Variants in IGFALS observed in about 807,000 individuals in gnomAD.
The protein encoded by IGFALS is insulin like growth factor binding protein acid labile subunit.
In IGFALS, 2 loss-of-function variants were observed where a neutral mutation model predicts 2.6. The ratio of observed to expected loss-of-function variants is 0.77; its 90% CI spans 0.32 to 2.44. The LOEUF is 2.44. Among genes scored for constraint, IGFALS ranks in the 30% most tolerant of loss-of-function variants. The pLI is 0.11. For missense variants in IGFALS, 996 were observed against 848.7 expected (o/e 1.17, Z -2.16); for synonymous variants, 519 against 431.9 (o/e 1.20, Z -2.50).
At chr16:1,794,007 G>C (rs952762634), upstream of IGFALS, among the ~76,000 whole-genome samples, 12 of 152,262 alleles carry the variant, frequency 7.9e-5, no homozygotes, top group East Asian at 2.3e-3. Context: ...GGAGGGGCTG[G>C]GGCTTGAGGC....
At chr16:1,793,160 G>GCC (rs376151018) in intron 1 of IGFALS, among the ~76,000 whole-genome samples, 2 of 152,096 alleles carry the variant, frequency 1.3e-5, no homozygotes, top group Admixed American at 6.5e-5. Flanking sequence ...GCGAGGTGGG[G>GCC]CCCCCCCGAC....
upstream of IGFALS, among the ~76,000 whole-genome samples, chr16:1,794,642 C>G (rs924203551): frequency 6.6e-6 from 1 of 152,228 alleles, no homozygotes; most frequent in Non-Finnish European, 1.5e-5. Context: ...CCCCCAGGGC[C>G]TGAGCAGGTG....
Position 1,790,534 on chromosome 16 carries a change from AC to A in IGFALS, c.*65del, listed in dbSNP as rs993588402. On this transcript the variant is annotated 3_prime_UTR_variant, in exon 2 of 2. Transcript: ENST00000215539. ...GGGCAGGCCCCTGAGGACACTGAGGACCTGTCCCCAGCACAAGGTGAGCCAG... is the reference window on the plus strand; with the variant it reads ...GGGCAGGCCCCTGAGGACACTGAGGACTGTCCCCAGCACAAGGTGAGCCAG... The A allele has an allele frequency of 7.4e-7, 1 of 1,357,956 alleles. No individual in the cohort carries two copies. Among genetic ancestry groups the A allele is most frequent in the African/African-American group, 1.4e-5 (1 of 69,220 alleles). 84.1% of individuals were successfully genotyped at this position (1,357,956 alleles called of 1,614,324 possible).
In IGFALS at chr16:1,790,695, C is replaced by T. The variant is rs776272184; in HGVS notation, c.1723G>A (p.Ala575Thr). 67 of 1,607,810 alleles carry T rather than the reference C, an allele frequency of 4.2e-5. No individual in the cohort carries two copies. The East Asian group carries it at 9.4e-4, about 23-fold the overall frequency. Reference protein sequence around the residue: ...ICEGDDCQPPAYTYNNITCAS... With the variant: ...ICEGDDCQPPTYTYNNITCAS... ...CAGGTGATGTTGTTGTAGGTGTACGCGGGCGGCTGGCAATCGTCCCCCTCA... is the reference window on the plus strand; with the variant it reads ...CAGGTGATGTTGTTGTAGGTGTACGTGGGCGGCTGGCAATCGTCCCCCTCA... Residue 575 changes from alanine to threonine, a missense_variant, in exon 2 of 2, where the codon GCG becomes ACG. Transcript: ENST00000215539.
chr16:1,793,737 C>G, upstream of IGFALS: 1 of 1,409,582 alleles, frequency 7.1e-7, no homozygotes, highest in Non-Finnish European at 9.7e-7. Flanking sequence ...GATTTCCCCA[C>G]TGCGGGGCAG....
At chr16:1,793,372 G>A (rs983593294) in intron 1 of IGFALS, among the ~76,000 whole-genome samples, 3 of 152,092 alleles carry the variant, frequency 2.0e-5, no homozygotes, top group Admixed American at 2.0e-4. Context: ...GGTCCGGCCT[G>A]CACCTGGCCC....
At position 1,792,029 on chromosome 16, in the gene IGFALS, T is replaced by C. The variant is rs946021451; in HGVS notation, c.389A>G (p.Glu130Gly). ...TGCCAGGCTGCGCAGCTGGTTCCGCTCCAGGTGCAGGTGGCACAGGTTCTC... is the reference window on the plus strand; with the variant it reads ...TGCCAGGCTGCGCAGCTGGTTCCGCCCCAGGTGCAGGTGGCACAGGTTCTC... ...GLENLCHLHLERNQLRSLALG... is the reference protein window; with the variant it reads ...GLENLCHLHLGRNQLRSLALG... The change falls in exon 2 of 2, where the codon GAG (glutamate) becomes GGG (glycine). Residue 130 changes from glutamate (E) to glycine (G), a missense_variant. Transcript: ENST00000215539. The C allele has an allele frequency of 1.7e-5, 27 of 1,610,578 alleles. No individual in the cohort carries two copies. Among genetic ancestry groups the C allele is most frequent in the Non-Finnish European group, 2.2e-5 (26 of 1,179,532 alleles).
chr16:1,791,563 C>G lies in IGFALS; in HGVS notation c.855G>C (p.Thr285=). The change falls in exon 2 of 2, where the codon ACG becomes ACC. Residue 285 remains threonine (T), a synonymous_variant. Transcript: ENST00000215539. ...HNRVAGLLED[T]FPGLLGLRVL... Reference sequence around the variant, plus strand: ...CACGCAGGCCCAGCAGACCGGGGAACGTGTCCTCCAGGAGGCCAGCCACGC... The same window carrying G: ...CACGCAGGCCCAGCAGACCGGGGAAGGTGTCCTCCAGGAGGCCAGCCACGC... 1 of 1,568,280 alleles carries G rather than the reference C, an allele frequency of 6.4e-7. No individual in the cohort carries two copies. The highest frequency in any genetic ancestry group is 1.2e-5 in the South Asian group (1 of 86,190).
chr16:1,791,969 G>T lies in IGFALS; in HGVS notation c.449C>A (p.Ser150Ter). Residue 150 changes from serine to a stop codon, truncating the protein, a stop_gained, in exon 2 of 2, where the codon TCG becomes TAG. Coordinates refer to ENST00000215539, the MANE Select transcript of IGFALS (RefSeq NM_004970.3). LOFTEE classifies it low-confidence loss of function (END_TRUNC). ...GTFAHTPALA[S>*]LGLSNNRLSR... The stretch of plus-strand genomic sequence containing the variant: ...CAGACGGTTGTTGCTGAGGCCGAGC[G>T]AGGCCAGCGCGGGCGTGTGTGCAAA... The T allele has an allele frequency of 1.2e-6, 2 of 1,602,110 alleles. No homozygotes were observed. The highest frequency in any genetic ancestry group is 1.1e-5 in the South Asian group (1 of 89,702).
Position 1,791,519 on chromosome 16 carries a change from T to C in IGFALS, c.899A>G (p.Asn300Ser), listed in dbSNP as rs1430250611. ...LGLRVLRLSH[N>S]AIASLRPRTF... The stretch of plus-strand genomic sequence containing the variant: ...GCGGGGCCGCAGGCTGGCGATGGCG[T>C]TGTGGGACAGCCGCAGCACACGCAG... The change falls in exon 2 of 2, where the codon AAC becomes AGC. Residue 300 changes from asparagine (N) to serine (S), a missense_variant. Transcript: ENST00000215539. 6.2e-6 allele frequency: 10 copies of C among 1,601,110 alleles called. No homozygotes were observed. The highest frequency in any genetic ancestry group is 1.7e-5 in the Admixed American group (1 of 58,282).
At chr16:1,793,709 G>A (rs981686436), upstream of IGFALS, 35 of 1,526,442 alleles carry the variant, frequency 2.3e-5, no homozygotes, top group Admixed American at 5.7e-5. Context: ...CTGCTGTGCC[G>A]GCCACCCCTG....
In IGFALS at chr16:1,791,401, C is replaced by G. The variant is rs1002532166; in HGVS notation, c.1017G>C (p.Gln339His). The change falls in exon 2 of 2, where the codon CAG becomes CAC. Residue 339 changes from glutamine (Q) to histidine (H), a missense_variant. Physicochemically the swap from Gln to His is conservative, Grantham distance 24 (BLOSUM62 0). Coordinates refer to ENST00000215539, the MANE Select transcript of IGFALS (RefSeq NM_004970.3). ...TGTGGTCTAGCGTGAGCACCTCAAG[C>G]TGCCCCAGGCCCTCAAAGCTGCGCT... ...LAERSFEGLG[Q>H]LEVLTLDHNQ... The G allele has an allele frequency of 1.2e-6, 2 of 1,610,984 alleles. No individual in the cohort carries two copies. The highest frequency in any genetic ancestry group is 2.7e-5 in the African/African-American group (2 of 74,936).
In IGFALS at chr16:1,791,294, C is replaced by T. The variant is rs780388342; in HGVS notation, c.1124G>A (p.Arg375Gln). The T allele has an allele frequency of 1.4e-5, 23 of 1,608,882 alleles. No homozygotes were observed. Among genetic ancestry groups the T allele is most frequent in the Middle Eastern group, 1.6e-4 (1 of 6,084 alleles). ...AVMNLSGNCLRNLPEQVFRGL... is the reference protein window; with the variant it reads ...AVMNLSGNCLQNLPEQVFRGL... ...CCGGAACACCTGCTCCGGAAGGTTC[C>T]GGAGACAGTTCCCAGAGAGGTTCAT... The change falls in exon 2 of 2, where the codon CGG (arginine) becomes CAG (glutamine). Residue 375 changes from arginine (R) to glutamine (Q), a missense_variant. Coordinates refer to ENST00000215539, the MANE Select transcript of IGFALS (RefSeq NM_004970.3).
chr16:1,790,595 C>T lies in IGFALS; in HGVS notation c.*5G>A. The T allele has an allele frequency of 2.6e-6, 4 of 1,561,500 alleles. No individual in the cohort carries two copies. Among genetic ancestry groups the T allele is most frequent in the Non-Finnish European group, 3.5e-6 (4 of 1,153,650 alleles). On this transcript the variant is annotated 3_prime_UTR_variant, in exon 2 of 2. Coordinates refer to ENST00000215539, the MANE Select transcript of IGFALS (RefSeq NM_004970.3). ...TGAGTCCGGGGCTTGAGTCCGGGGACCTGGTCAGCAGGGAGCAAAGTGGGC... is the reference window on the plus strand; with the variant it reads ...TGAGTCCGGGGCTTGAGTCCGGGGATCTGGTCAGCAGGGAGCAAAGTGGGC...
chr16:1,792,174 C>T lies in IGFALS; in HGVS notation c.244G>A (p.Asp82Asn), dbSNP rs746236878. The part of the protein sequence containing the change: ...VPGGTQALWL[D>N]GNNLSSVPPA... Reference sequence around the variant, plus strand: ...GGGACGGACGAGAGGTTGTTGCCGTCCAGCCACAGGGCTTGGGTGCCGCCC... The same window carrying T: ...GGGACGGACGAGAGGTTGTTGCCGTTCAGCCACAGGGCTTGGGTGCCGCCC... The change falls in exon 2 of 2, where the codon GAC becomes AAC. Residue 82 changes from aspartate to asparagine, a missense_variant. Physicochemically the swap from Asp to Asn is conservative, Grantham distance 23 (BLOSUM62 1). Transcript: ENST00000215539. The T allele has an allele frequency of 5.6e-6, 9 of 1,611,174 alleles. No individual in the cohort carries two copies. The highest frequency in any genetic ancestry group is 7.6e-6 in the Non-Finnish European group (9 of 1,179,710).
At position 1,791,934 on chromosome 16, in the gene IGFALS, C is replaced by T. The variant is rs760052360; in HGVS notation, c.484G>A (p.Glu162Lys). The change falls in exon 2 of 2, where the codon GAG (glutamate) becomes AAG (lysine). Residue 162 changes from glutamate (E) to lysine (K), a missense_variant. By Grantham distance (56) the Glu-to-Lys change is moderately conservative. Transcript: ENST00000215539. Reference protein sequence around the residue: ...GLSNNRLSRLEDGLFEGLGSL... With the variant: ...GLSNNRLSRLKDGLFEGLGSL... ...CCGAGGCCCTCGAAGAGCCCGTCCT[C>T]CAGCCTGCTCAGACGGTTGTTGCTG... 1.5e-5 allele frequency: 24 copies of T among 1,587,340 alleles called. No homozygotes were observed. Among genetic ancestry groups the T allele is most frequent in the Non-Finnish European group, 2.0e-5 (23 of 1,168,698 alleles).
chr16:1,792,136 G>A lies in IGFALS; in HGVS notation c.282C>T (p.Phe94=), dbSNP rs1463086701. The change falls in exon 2 of 2, where the codon TTC becomes TTT. Residue 94 remains phenylalanine (F), a synonymous_variant. Transcript: ENST00000215539. ...GGAAGCCCAGGCTGGAGAGGTTCTG[G>A]AAGGCTGCCGGGGGGACGGACGAGA... ...NNLSSVPPAA[F]QNLSSLGFLN... The A allele has an allele frequency of 6.2e-7, 1 of 1,611,570 alleles. No individual in the cohort carries two copies. Among genetic ancestry groups the A allele is most frequent in the East Asian group, 2.2e-5 (1 of 44,834 alleles).
intron 1 of IGFALS, among the ~76,000 whole-genome samples, chr16:1,792,871 C>G (rs1373080740): frequency 6.6e-6 from 1 of 152,250 alleles, no homozygotes; most frequent in Non-Finnish European, 1.5e-5. Flanking sequence ...GGACAGGGAG[C>G]TGGGCACCTC....
intron 1 of IGFALS, 42 bp from the exon 2 acceptor site, chr16:1,792,443 C>G (rs575174599): frequency 6.6e-7 from 1 of 1,505,032 alleles, no homozygotes; most frequent in East Asian, 2.3e-5. Context: ...GAGGAGGGCT[C>G]TGCCCGAGTG....
Sources: allele counts gnomAD v4.1 joint callset (sites outside exome capture counted in the v4.1 genomes callset), GRCh38; gene constraint gnomAD v4.1.1; transcripts MANE v1.5; gene names NCBI Gene and HGNC (gene_info 2026-07-23, HGNC 2026-07-21).